The following LAT variants were observed in gnomAD, a reference collection of about 807,000 sequenced individuals.
LAT encodes linker for activation of T cells.
A neutral mutation model predicts 39.1 loss-of-function variants in LAT; 12 were observed. That is an observed-to-expected ratio of 0.31 (90% CI 0.20 to 0.50). LAT has a LOEUF of 0.50. Ranked by LOEUF, LAT falls within the 20% of genes least tolerant of loss-of-function variation. The pLI is 0.98. For missense variants in LAT, 253 were observed against 308.0 expected (o/e 0.82, Z 1.34); for synonymous variants, 117 against 123.8 (o/e 0.95, Z 0.36).
At position 28,986,738 on chromosome 16, in the gene LAT, G is replaced by C. The variant is rs764355544; in HGVS notation, c.398+24G>C. 2.5e-6 allele frequency: 4 copies of C among 1,610,736 alleles called. No individual in the cohort carries two copies. The highest frequency in any genetic ancestry group is 3.4e-6 in the Non-Finnish European group (4 of 1,177,874). On this transcript the variant is annotated intron_variant, in intron 7 of 11. Coordinates refer to ENST00000395456, the MANE Select transcript of LAT (RefSeq NM_001014987.2). This position sits in a 1 kb window ranked among gnomAD's most constrained non-coding sequence, Gnocchi z 5.7. The stretch of plus-strand genomic sequence containing the variant: ...CTGTGAGTGGCCAGGTGGGAGGTGG[G>C]AGGTGAGGGCTGAGGCTGTGCGTCC...
chr16:28,985,954 G>A lies in LAT; in HGVS notation c.163+66G>A, dbSNP rs1054552052. ...AGGGTCCCCTGGTGTGGGAGTGAGC[G>A]TGAACCTTCAGACTTCCCCTGCCAC... On this transcript the variant is annotated intron_variant, in intron 3 of 11. Transcript: ENST00000395456. This position sits in a 1 kb window ranked among gnomAD's most constrained non-coding sequence, Gnocchi z 4.6. 9.5e-6 allele frequency: 15 copies of A among 1,572,466 alleles called. No homozygotes were observed. Among genetic ancestry groups the A allele is most frequent in the African/African-American group, 5.4e-5 (4 of 73,922 alleles).
At chr16:28,989,405 T>C (rs552598727) in intron 8 of LAT, 122 bp from the exon 9 acceptor site, 1 of 786,374 alleles carries the variant, frequency 1.3e-6, no homozygotes, top group African/African-American at 1.7e-5. Context: ...GGGGTGGCTG[T>C]GTGGGAAGCC....
chr16:28,984,912 G>T (rs775720799), upstream of LAT: 24 of 1,546,864 alleles, frequency 1.6e-5, no homozygotes, highest in Admixed American at 1.2e-4. Flanking sequence ...TCTTGGGGGG[G>T]GCCAGCAGAC....
Position 28,989,851 on chromosome 16 carries a change from G to A in LAT, c.622+12G>A, listed in dbSNP as rs766273200. On this transcript the variant is annotated intron_variant, in intron 10 of 11. Coordinates refer to ENST00000395456, the MANE Select transcript of LAT (RefSeq NM_001014987.2). ...TAAGACTGAGCCTGGTGTGTTCTGC[G>A]GGAGGGGCAGGAGCTGGGGTAGCTG... 20 of 1,613,984 alleles carry A rather than the reference G, an allele frequency of 1.2e-5. No homozygotes were observed. The highest frequency in any genetic ancestry group is 7.7e-5 in the South Asian group (7 of 91,088).
In LAT at chr16:28,986,143, G is replaced by A. The variant is rs780677002; in HGVS notation, c.172G>A (p.Ala58Thr). 68 of 1,595,058 alleles carry A rather than the reference G, an allele frequency of 4.3e-5. No homozygotes were observed. The highest frequency in any genetic ancestry group is 5.6e-5 in the Non-Finnish European group (65 of 1,171,162). The change falls in exon 4 of 12, where the codon GCC (alanine) becomes ACC (threonine). Residue 58 changes from alanine to threonine, a missense_variant. Transcript: ENST00000395456. The surrounding 1 kb of genome is among the most constrained non-coding windows in gnomAD (Gnocchi z 5.7). The stretch of plus-strand genomic sequence containing the variant: ...TGGTTCTGTGTCCTCAGACACGGTT[G>A]CCCCCTGGCCACCTGCCTACCCACC... ...GIQFKRPHTV[A>T]PWPPAYPPVT...
Position 28,986,379 on chromosome 16 carries a change from C to G in LAT, c.246-3C>G. The G allele has an allele frequency of 3.1e-6, 5 of 1,613,734 alleles. No homozygotes were observed. Among genetic ancestry groups the G allele is most frequent in the Non-Finnish European group, 3.4e-6 (4 of 1,180,040 alleles). On this transcript the variant is annotated splice_polypyrimidine_tract_variant and splice_region_variant and intron_variant, in intron 4 of 11. Transcript: ENST00000395456. This position sits in a 1 kb window ranked among gnomAD's most constrained non-coding sequence, Gnocchi z 5.7. Reference sequence around the variant, plus strand: ...GGCATGACCCCTGACCTTTGACTCCCAGAAGATCCCCGCAGCCCCTTGGGG... The same window carrying G: ...GGCATGACCCCTGACCTTTGACTCCGAGAAGATCCCCGCAGCCCCTTGGGG...
At position 28,986,254 on chromosome 16, in the gene LAT, G is replaced by A. The variant is rs1264625470; in HGVS notation, c.245+38G>A. 1.9e-6 allele frequency: 3 copies of A among 1,551,250 alleles called. No individual in the cohort carries two copies. Among genetic ancestry groups the A allele is most frequent in the East Asian group, 4.5e-5 (2 of 44,234 alleles). ...TCAGCCCCTGCCCCTCCAAAGCTCA[G>A]CCCCTCCCCCTCCAAACTCCACTCT... On this transcript the variant is annotated intron_variant, in intron 4 of 11. Transcript: ENST00000395456. The surrounding 1 kb of genome is among the most constrained non-coding windows in gnomAD (Gnocchi z 5.7).
chr16:28,985,602 GCT>G lies in LAT; in HGVS notation c.100+88_100+89del. On this transcript the variant is annotated intron_variant, in intron 1 of 11. Coordinates refer to ENST00000395456, the MANE Select transcript of LAT (RefSeq NM_001014987.2). The surrounding 1 kb of genome is among the most constrained non-coding windows in gnomAD (Gnocchi z 4.6). The stretch of plus-strand genomic sequence containing the variant: ...ACTCCCAGCCCCTGTGTCTGTCCTG[GCT>G]CTGTCCCTGCCTCCGTCCTGATCCC... The G allele has an allele frequency of 6.2e-7, 1 of 1,602,812 alleles. No homozygotes were observed. The highest frequency in any genetic ancestry group is 8.5e-7 in the Non-Finnish European group (1 of 1,171,182).
chr16:28,984,998 C>A, upstream of LAT: 2 of 1,432,562 alleles, frequency 1.4e-6, no homozygotes. Context: ...GGGAAGGGGG[C>A]GGGTGCAGCC....
chr16:28,985,211 A>G lies in LAT; in HGVS notation c.-207A>G, dbSNP rs1965714586. Reference sequence around the variant, plus strand: ...GCAGGGACTTTCCACAGTCAGCTGGACGCACACTCAGCCCAGTAAAAGAGG... The same window carrying G: ...GCAGGGACTTTCCACAGTCAGCTGGGCGCACACTCAGCCCAGTAAAAGAGG... On this transcript the variant is annotated 5_prime_UTR_variant, in exon 1 of 12. Transcript: ENST00000395456. The surrounding 1 kb of genome is among the most constrained non-coding windows in gnomAD (Gnocchi z 4.6). 7.0e-7 allele frequency: 1 copy of G among 1,431,670 alleles called. No individual in the cohort carries two copies. The highest frequency in any genetic ancestry group is 9.1e-7 in the Non-Finnish European group (1 of 1,097,390). 88.7% of individuals were successfully genotyped at this position (1,431,670 alleles called of 1,614,324 possible).
At chr16:28,990,164 C>T (rs1479990909) in intron 11 of LAT, 25 bp from the exon 12 acceptor site, 1 of 732,190 alleles carries the variant, frequency 1.4e-6, no homozygotes. Context: ...TGATCCGTAT[C>T]CCTCCCTGCC....
Position 28,985,237 on chromosome 16 carries a change from G to C in LAT, c.-181G>C. 7.0e-7 allele frequency: 1 copy of C among 1,437,132 alleles called. No homozygotes were observed. Among genetic ancestry groups the C allele is most frequent in the Non-Finnish European group, 9.1e-7 (1 of 1,099,910 alleles). 89.0% of individuals were successfully genotyped at this position (1,437,132 alleles called of 1,614,324 possible). A position where few individuals can be genotyped will look rare whatever the true frequency, so the allele number is the denominator to read the frequency against. ...CGCACACTCAGCCCAGTAAAAGAGG[G>C]GACCCATCCCGGGAGCCCCGGGGAG... is the stretch of plus-strand genomic sequence containing the variant. On this transcript the variant is annotated 5_prime_UTR_variant, in exon 1 of 12. Transcript: ENST00000395456. The surrounding 1 kb of genome is among the most constrained non-coding windows in gnomAD (Gnocchi z 4.6).
chr16:28,990,128 G>A, intron 11 of LAT, 61 bp from the exon 12 acceptor site: 1 of 933,450 alleles, frequency 1.1e-6, no homozygotes, highest in Non-Finnish European at 1.7e-6. Flanking sequence ...CTGTCTCTGG[G>A]TACCTGCTGA....
chr16:28,986,932 G>A lies in LAT; in HGVS notation c.493+39G>A, dbSNP rs756465051. On this transcript the variant is annotated intron_variant, in intron 8 of 11. Coordinates refer to ENST00000395456, the MANE Select transcript of LAT (RefSeq NM_001014987.2). This position sits in a 1 kb window ranked among gnomAD's most constrained non-coding sequence, Gnocchi z 5.7. The stretch of plus-strand genomic sequence containing the variant: ...TTGTTTTTATTTTTAAATTTTTTTA[G>A]GGATAGGCTGGAGTGCAGTGGTGCC... 3.2e-6 allele frequency: 5 copies of A among 1,557,030 alleles called. No individual in the cohort carries two copies. In the Admixed American group the frequency reaches 6.9e-5, roughly 21 times the overall value.
Position 28,986,493 on chromosome 16 carries a change from G to A in LAT, c.310+47G>A, listed in dbSNP as rs767283907. 1 of 1,612,720 alleles carries A rather than the reference G, an allele frequency of 6.2e-7. No homozygotes were observed. Among genetic ancestry groups the A allele is most frequent in the South Asian group, 1.1e-5 (1 of 91,028 alleles). On this transcript the variant is annotated intron_variant, in intron 5 of 11. Coordinates refer to ENST00000395456, the MANE Select transcript of LAT (RefSeq NM_001014987.2). This position sits in a 1 kb window ranked among gnomAD's most constrained non-coding sequence, Gnocchi z 5.7. ...GGCGGCGGGGGCTGGGAAGAAGATA[G>A]GCCTGGCCTGAGCTGACTTAGTCTC...
intron 8 of LAT, chr16:28,987,703 T>TTCATTCA (rs1965789633): frequency 2.0e-5 from 3 of 151,912 alleles, no homozygotes; most frequent in African/African-American, 7.3e-5. Flanking sequence ...ACTTCTTTTC[T>TTCATTCA]TTCATTCATT....
chr16:28,985,987 C>T lies in LAT; in HGVS notation c.163+99C>T, dbSNP rs899794709. The T allele has an allele frequency of 2.7e-6, 4 of 1,475,362 alleles. No individual in the cohort carries two copies. Among genetic ancestry groups the T allele is most frequent in the Non-Finnish European group, 3.8e-6 (4 of 1,054,320 alleles). 91.4% of individuals were successfully genotyped at this position (1,475,362 alleles called of 1,614,324 possible). On this transcript the variant is annotated intron_variant, in intron 3 of 11. Coordinates refer to ENST00000395456, the MANE Select transcript of LAT (RefSeq NM_001014987.2). The surrounding 1 kb of genome is among the most constrained non-coding windows in gnomAD (Gnocchi z 4.6). ...TCAGACTTCCCCTGCCACCTTGGGGCTGCCCACATGGCCTTGACCTGAGCT... is the reference window on the plus strand; with the variant it reads ...TCAGACTTCCCCTGCCACCTTGGGGTTGCCCACATGGCCTTGACCTGAGCT...
In LAT at chr16:28,986,943, G is replaced by A. The variant is rs1451946657; in HGVS notation, c.493+50G>A. ...TTTAAATTTTTTTAGGGATAGGCTGGAGTGCAGTGGTGCCATTGTAGCTCG... is the reference window on the plus strand; with the variant it reads ...TTTAAATTTTTTTAGGGATAGGCTGAAGTGCAGTGGTGCCATTGTAGCTCG... On this transcript the variant is annotated intron_variant, in intron 8 of 11. Coordinates refer to ENST00000395456, the MANE Select transcript of LAT (RefSeq NM_001014987.2). The surrounding 1 kb of genome is among the most constrained non-coding windows in gnomAD (Gnocchi z 5.7). 2.1e-6 allele frequency: 3 copies of A among 1,463,080 alleles called. No individual in the cohort carries two copies. The East Asian group carries it at 7.0e-5, about 34-fold the overall frequency. The allele number at this position is 1,463,080 out of a possible 1,614,324, so 90.6% of individuals were successfully genotyped here. A position where few individuals can be genotyped will look rare whatever the true frequency, so the allele number is the denominator to read the frequency against.
intron 8 of LAT, among the ~76,000 whole-genome samples, chr16:28,987,395 T>C (rs949228596): frequency 1.3e-5 from 2 of 152,214 alleles, no homozygotes; most frequent in Non-Finnish European, 2.9e-5. Context: ...TCTTGTTTCA[T>C]GGATGAAACA....
Sources: gnomAD v4.1 joint callset for allele counts (sites outside exome capture counted in the v4.1 genomes callset) on GRCh38, gnomAD v4.1.1 for gene constraint, Gnocchi (gnomAD v3.1) non-coding constraint, MANE v1.5 for transcripts, NCBI Gene and HGNC (gene_info 2026-07-23, HGNC 2026-07-21) for gene names.